The following GMPPB variants were observed in gnomAD, a reference collection of about 807,000 sequenced individuals.
GMPPB encodes GDP-mannose pyrophosphorylase B.
In GMPPB, 38 loss-of-function variants were observed where a neutral mutation model predicts 40.3. That is an observed-to-expected ratio of 0.94 (90% CI 0.73 to 1.24). GMPPB has a LOEUF of 1.24. Ranked by LOEUF, GMPPB falls within the 50% of genes most tolerant of loss-of-function variation. The probability of loss-of-function intolerance (pLI) is 0.00; values close to 1 mark genes in which losing one functional copy is unlikely to be tolerated. For synonymous variants in GMPPB, 193 were observed against 191.8 expected, an observed-to-expected ratio of 1.01 and a Z score of -0.05; for missense variants, 436 against 487.1, an observed-to-expected ratio of 0.90 and a Z score of 0.99.
rs141588721 is a variant in GMPPB at position 49,722,431 on chromosome 3, C to G, written c.640+1G>C. 17 of 1,614,068 alleles carry G rather than the reference C, an allele frequency of 1.1e-5. No homozygotes were observed. The South Asian group carries it at 1.9e-4, about 18-fold the overall frequency. On this transcript the variant is annotated splice_donor_variant, in intron 6 of 8. Transcript: ENST00000308388. LOFTEE classifies it high-confidence loss of function. Reference sequence around the variant, plus strand: ...CCCACCCTGTGGCCTCCCTGCCTCACCCTGTAACTCCATGGCATATAGCTG... The same window carrying G: ...CCCACCCTGTGGCCTCCCTGCCTCAGCCTGTAACTCCATGGCATATAGCTG...
rs1220893480 is a variant in GMPPB, at chr3:49,723,076, T to C, written c.298A>G (p.Thr100Ala). 1 of 1,613,816 alleles carries C rather than the reference T, an allele frequency of 6.2e-7. No homozygotes were observed. Among genetic ancestry groups the C allele is most frequent in the South Asian group, 1.1e-5 (1 of 91,084 alleles). ...TTGAGGACGAAGAAAGGGTCTGCAGTCTCAGAGAGTAGGTCACGGGCCAGC... is the reference window on the plus strand; with the variant it reads ...TTGAGGACGAAGAAAGGGTCTGCAGCCTCAGAGAGTAGGTCACGGGCCAGC... Reference protein sequence around the residue: ...LALARDLLSETADPFFVLNSD... With the variant: ...LALARDLLSEAADPFFVLNSD... Residue 100 changes from threonine (T) to alanine (A), a missense_variant, in exon 4 of 9, where the codon ACT becomes GCT. Transcript: ENST00000308388.
chr3:49,722,970 A>C lies in GMPPB; in HGVS notation c.402+2T>G. ...CAAGAGAGAGAAGACCTGGCGCCTT[A>C]CCAGGATGGAGCCCTCCTGGCCATG... On this transcript the variant is annotated splice_donor_variant, in intron 4 of 8. Transcript: ENST00000308388. LOFTEE classifies it high-confidence loss of function. 6.2e-7 allele frequency: 1 copy of C among 1,613,068 alleles called. No individual in the cohort carries two copies. The highest frequency in any genetic ancestry group is 8.5e-7 in the Non-Finnish European group (1 of 1,179,426).
rs376960690 is a variant in GMPPB, at chr3:49,720,912, G to A, written c.*840C>T. The A allele has an allele frequency of 1.4e-4, 230 of 1,613,382 alleles. No homozygotes were observed. Among genetic ancestry groups the A allele is most frequent in the Non-Finnish European group, 1.8e-4 (216 of 1,179,510 alleles). Reference sequence around the variant, plus strand: ...CCTCCCTGGTGAGTGGGAACACGGTGCACAGGTCCATGCCACTTGAATATG... The same window carrying A: ...CCTCCCTGGTGAGTGGGAACACGGTACACAGGTCCATGCCACTTGAATATG... On this transcript the variant is annotated 3_prime_UTR_variant, in exon 9 of 9. Transcript: ENST00000308388.
At chr3:49,721,936 T>A in intron 8 of GMPPB, 29 bp downstream of exon 8, 1 of 1,584,966 alleles carries the variant, frequency 6.3e-7, no homozygotes, top group Non-Finnish European at 8.6e-7. Context: ...CCCGCCCCTC[T>A]CCCCACCCAG....
At position 49,721,465 on chromosome 3, in the gene GMPPB, C is replaced by CTAAT. The variant is rs2080405949; in HGVS notation, c.*283_*286dup. On this transcript the variant is annotated 3_prime_UTR_variant, in exon 9 of 9. Transcript: ENST00000308388. ...CATTGGTGGGAGCCCAGCCATGGCC[C>CTAAT]TAATTGTGCCTGAGCTTGACTTTCA... 4 of 1,002,460 alleles carry CTAAT rather than the reference C, an allele frequency of 4.0e-6. No homozygotes were observed. The highest frequency in any genetic ancestry group is 2.4e-5 in the East Asian group (1 of 41,962). The allele number at this position is 1,002,460 out of a possible 1,614,324, so 62.1% of individuals were successfully genotyped here.
rs1351207833 is a variant in GMPPB, at chr3:49,720,791, A to G, written c.*961T>C. ...TACCTCTGACTTGACACTACCTACC[A>G]CTCCCCAGATGCGGATTATATCAGT... On this transcript the variant is annotated 3_prime_UTR_variant, in exon 9 of 9. Coordinates refer to ENST00000308388, the MANE Select transcript of GMPPB (RefSeq NM_021971.4). 3.1e-6 allele frequency: 5 copies of G among 1,613,156 alleles called. No homozygotes were observed. In the African/African-American group the frequency reaches 6.7e-5, roughly 22 times the overall value.
chr3:49,721,714 T>C lies in GMPPB; in HGVS notation c.*38A>G, dbSNP rs760277235. On this transcript the variant is annotated 3_prime_UTR_variant, in exon 9 of 9. Transcript: ENST00000308388. ...GTCAGGCCAGCACTCCCCTTGCTGA[T>C]GGGAAAACCGGGGCTCGGCCAGCCC... 17 of 1,561,744 alleles carry C rather than the reference T, an allele frequency of 1.1e-5. No homozygotes were observed. In the East Asian group the frequency reaches 3.8e-4, roughly 35 times the overall value.
Position 49,721,723 on chromosome 3 carries a change from CG to C in GMPPB, c.*28del. 1.9e-6 allele frequency: 3 copies of C among 1,568,424 alleles called. No homozygotes were observed. Among genetic ancestry groups the C allele is most frequent in the Non-Finnish European group, 2.6e-6 (3 of 1,161,160 alleles). ...GCACTCCCCTTGCTGATGGGAAAAC[CG>C]GGGCTCGGCCAGCCCCACTGCATCC... is the stretch of plus-strand genomic sequence containing the variant. On this transcript the variant is annotated 3_prime_UTR_variant, in exon 9 of 9. Coordinates refer to ENST00000308388, the MANE Select transcript of GMPPB (RefSeq NM_021971.4).
Position 49,721,816 on chromosome 3 carries a change from C to T in GMPPB, c.1019G>A (p.Gly340Glu), listed in dbSNP as rs759988950. 8 of 1,613,246 alleles carry T rather than the reference C, an allele frequency of 5.0e-6. No individual in the cohort carries two copies. In the Admixed American group the frequency reaches 5.0e-5, roughly 10 times the overall value. The change falls in exon 9 of 9, where the codon GGA becomes GAA. Residue 340 changes from glycine to glutamate, a missense_variant. Transcript: ENST00000308388. Reference sequence around the variant, plus strand: ...AGACTTGTGGGGCAGCACGCTGGCTCCGTTGAGGTAGAGCTCATCATTAAC... The same window carrying T: ...AGACTTGTGGGGCAGCACGCTGGCTTCGTTGAGGTAGAGCTCATCATTAAC... ...VIVNDELYLN[G>E]ASVLPHKSIG...
rs989285187 is a variant in GMPPB, at chr3:49,723,870, C to G, written c.-144G>C. On this transcript the variant is annotated 5_prime_UTR_variant, in exon 1 of 9. Coordinates refer to ENST00000308388, the MANE Select transcript of GMPPB (RefSeq NM_021971.4). The stretch of plus-strand genomic sequence containing the variant: ...TGACAGACTCTGGCTCCACCTCGTC[C>G]GCCCGGTCGCCCTGACGCCGGATCC... The G allele has an allele frequency of 2.2e-6, 2 of 919,728 alleles. No homozygotes were observed. Among genetic ancestry groups the G allele is most frequent in the African/African-American group, 3.4e-5 (2 of 58,758 alleles). 57.0% of individuals were successfully genotyped at this position (919,728 alleles called of 1,614,324 possible).
In GMPPB at chr3:49,721,037, C is replaced by T. The variant is rs1272661138; in HGVS notation, c.*715G>A. 2 of 1,613,058 alleles carry T rather than the reference C, an allele frequency of 1.2e-6. No individual in the cohort carries two copies. The highest frequency in any genetic ancestry group is 1.7e-6 in the Non-Finnish European group (2 of 1,179,460). ...CCCTGCAGCCCACCAGTGAGGAGGA[C>T]CTCTGCCCCATCTGCTATGCCCACC... On this transcript the variant is annotated 3_prime_UTR_variant, in exon 9 of 9. Coordinates refer to ENST00000308388, the MANE Select transcript of GMPPB (RefSeq NM_021971.4).
rs770666179 is a variant in GMPPB at position 49,721,208 on chromosome 3, T to A, written c.*544A>T. On this transcript the variant is annotated 3_prime_UTR_variant, in exon 9 of 9. Transcript: ENST00000308388. ...AGAGCCTGTATCAACCAGCACCTGA[T>A]GAACAACAAGGACTGCTTCTTCTGC... The A allele has an allele frequency of 3.1e-6, 5 of 1,614,092 alleles. No homozygotes were observed. The highest frequency in any genetic ancestry group is 2.7e-5 in the African/African-American group (2 of 74,936).
Position 49,722,303 on chromosome 3 carries a change from G to A in GMPPB, c.696C>T (p.Phe232=). 1 of 1,613,978 alleles carries A rather than the reference G, an allele frequency of 6.2e-7. No individual in the cohort carries two copies. Among genetic ancestry groups the A allele is most frequent in the Non-Finnish European group, 8.5e-7 (1 of 1,179,982 alleles). The change falls in exon 7 of 9, where the codon TTC becomes TTT. Residue 232 remains phenylalanine (F), a synonymous_variant. Coordinates refer to ENST00000308388, the MANE Select transcript of GMPPB (RefSeq NM_021971.4). ...PKDFLTGMCL[F]LQSLRQKQPE... Reference sequence around the variant, plus strand: ...GCTGCTTCTGCCTCAGTGACTGCAGGAAGAGGCACATGCCAGTGAGGAAGT... The same window carrying A: ...GCTGCTTCTGCCTCAGTGACTGCAGAAAGAGGCACATGCCAGTGAGGAAGT...
chr3:49,720,399 T>C lies in GMPPB; in HGVS notation c.*1353A>G. 1 of 1,098,176 alleles carries C rather than the reference T, an allele frequency of 9.1e-7. No individual in the cohort carries two copies. Among genetic ancestry groups the C allele is most frequent in the East Asian group, 2.6e-5 (1 of 37,860 alleles). 68.0% of individuals were successfully genotyped at this position (1,098,176 alleles called of 1,614,324 possible). On this transcript the variant is annotated 3_prime_UTR_variant, in exon 9 of 9. Transcript: ENST00000308388. ...TTGGGAAGCAGGGAGACGGAAAGGA[T>C]GCAGGGGGGGTGATCATGTACGAGC...
chr3:49,720,317 GAAAAAA>G lies in GMPPB; in HGVS notation c.*1429_*1434del. 2.9e-6 allele frequency: 1 copy of G among 345,012 alleles called. No homozygotes were observed. The highest frequency in any genetic ancestry group is 1.1e-4 in the South Asian group (1 of 8,944). 21.4% of individuals were successfully genotyped at this position (345,012 alleles called of 1,614,324 possible). ...GGCAACAGAGCGAGACTCGTCTCAA[GAAAAAA>G]AAAAAAAAAACAGGCTGTGTGGCAC... On this transcript the variant is annotated 3_prime_UTR_variant, in exon 9 of 9. Coordinates refer to ENST00000308388, the MANE Select transcript of GMPPB (RefSeq NM_021971.4).
In GMPPB at chr3:49,723,640, G is replaced by T. The variant is rs1404381530; in HGVS notation, c.87C>A (p.Cys29Ter). The T allele has an allele frequency of 2.5e-6, 4 of 1,583,858 alleles. No homozygotes were observed. Among genetic ancestry groups the T allele is most frequent in the East Asian group, 2.2e-5 (1 of 44,690 alleles). The change falls in exon 1 of 9, where the codon TGC (cysteine) becomes TGA (stop). Residue 29 changes from cysteine (C) to a stop codon, truncating the protein, a stop_gained. Transcript: ENST00000308388. LOFTEE classifies it high-confidence loss of function. The stretch of plus-strand genomic sequence containing the variant: ...CTTGGTGCAGCAAGATGGGCTTATT[G>T]CAGAAGTCCACCAGTGGCTTCGGGG... ...LSTPKPLVDFCNKPILLHQVE... is the reference protein window; with the variant it reads ...LSTPKPLVDF
Position 49,720,784 on chromosome 3 carries a change from A to G in GMPPB, c.*968T>C. On this transcript the variant is annotated 3_prime_UTR_variant, in exon 9 of 9. Coordinates refer to ENST00000308388, the MANE Select transcript of GMPPB (RefSeq NM_021971.4). The stretch of plus-strand genomic sequence containing the variant: ...CCTCAGCTACCTCTGACTTGACACT[A>G]CCTACCACTCCCCAGATGCGGATTA... The G allele has an allele frequency of 3.7e-6, 6 of 1,613,898 alleles. No individual in the cohort carries two copies. The highest frequency in any genetic ancestry group is 5.1e-6 in the Non-Finnish European group (6 of 1,179,872).
Position 49,723,395 on chromosome 3 carries a change from C to G in GMPPB, c.207G>C (p.Gln69His). The change falls in exon 2 of 9, where the codon CAG (glutamine) becomes CAC (histidine). Residue 69 changes from glutamine to histidine, a missense_variant. By Grantham distance (24) the Gln-to-His change is conservative. Coordinates refer to ENST00000308388, the MANE Select transcript of GMPPB (RefSeq NM_021971.4). ...GGGCCAAGAGTCTGTGCCTCACCCT[C>G]TGCTCCTGTGCCTTCATTTCCTTCT... ...VLEKEMKAQE[Q>H]RLGIRISMSH... 1 of 1,614,210 alleles carries G rather than the reference C, an allele frequency of 6.2e-7. No individual in the cohort carries two copies. The highest frequency in any genetic ancestry group is 8.5e-7 in the Non-Finnish European group (1 of 1,180,030).
Position 49,722,569 on chromosome 3 carries a change from G to A in GMPPB, c.561+27C>T, listed in dbSNP as rs1180452726. On this transcript the variant is annotated intron_variant, in intron 5 of 8. Coordinates refer to ENST00000308388, the MANE Select transcript of GMPPB (RefSeq NM_021971.4). Reference sequence around the variant, plus strand: ...GGCGGTGATGGCCTGCCCCACCCCAGCCCACCAACAGCTGTCTCCTACACA... The same window carrying A: ...GGCGGTGATGGCCTGCCCCACCCCAACCCACCAACAGCTGTCTCCTACACA... The A allele has an allele frequency of 3.1e-6, 5 of 1,613,302 alleles. No homozygotes were observed. The African/African-American group carries it at 4.0e-5, about 13-fold the overall frequency.
Sources: gnomAD v4.1 joint callset for allele counts on GRCh38, gnomAD v4.1.1 for gene constraint, MANE v1.5 for transcripts, NCBI Gene and HGNC (gene_info 2026-07-23, HGNC 2026-07-21) for gene names.